The following CREB3L3 variants were observed in gnomAD, a reference collection of about 807,000 sequenced individuals.
CREB3L3 encodes cyclic AMP-responsive element-binding protein 3-like protein 3.
CREB3L3 carries 40 observed loss-of-function variants against 44.6 expected under a neutral mutation model. The observed-to-expected ratio is 0.90, with a 90% CI of 0.70 to 1.17. The LOEUF (loss-of-function observed/expected upper bound fraction) is 1.17. CREB3L3 is among the 50% of genes most tolerant of loss of function. The pLI is 0.00. For missense variants in CREB3L3, 578 were observed against 595.8 expected (o/e 0.97, Z 0.31); for synonymous variants, 273 against 256.3 (o/e 1.06, Z -0.62).
chr19:4,158,459 T>C (rs1275175830), intron 3 of CREB3L3, among the ~76,000 whole-genome samples: 2 of 151,796 alleles, frequency 1.3e-5, no homozygotes, highest in East Asian at 1.9e-4. Context: ...ATCATGCCAC[T>C]GCACTCCATC....
At chr19:4,160,617 GCA>G (rs1324027773) in intron 4 of CREB3L3, among the ~76,000 whole-genome samples, 13 of 152,076 alleles carry the variant, frequency 8.5e-5, no homozygotes, top group Middle Eastern at 3.5e-3. Context: ...GTGCAGTGGT[GCA>G]ATCTCGGATC....
At chr19:4,162,046 C>T (rs72978984) in intron 4 of CREB3L3, among the ~76,000 whole-genome samples, 15,005 of 152,156 alleles carry the variant, frequency 0.099, 973 homozygotes, top group East Asian at 0.25. Flanking sequence ...CATGGTCCGT[C>T]GTCCAGGCTA....
At position 4,156,996 on chromosome 19, in the gene CREB3L3, A is replaced by G. The variant is rs1236395865; in HGVS notation, c.158A>G (p.Gln53Arg). 6.2e-7 allele frequency: 1 copy of G among 1,613,962 alleles called. No homozygotes were observed. Among genetic ancestry groups the G allele is most frequent in the African/African-American group, 1.3e-5 (1 of 74,906 alleles). Residue 53 changes from glutamine to arginine, a missense_variant and splice_region_variant, in exon 3 of 10, where the codon CAG becomes CGG. By Grantham distance (43) the Gln-to-Arg change is conservative. Transcript: ENST00000078445. ...GEGWGHVKDQ[Q>R]VLPNPDSDDF... Reference sequence around the variant, plus strand: ...ACTACCCCTCCCTGTCCACCCCAGCAGGTCCTGCCAAACCCCGACTCTGAC... The same window carrying G: ...ACTACCCCTCCCTGTCCACCCCAGCGGGTCCTGCCAAACCCCGACTCTGAC...
chr19:4,164,782 T>C (rs2145132934), intron 5 of CREB3L3, 142 bp downstream of exon 5: 1 of 993,156 alleles, frequency 1.0e-6, no homozygotes, highest in Admixed American at 2.0e-5. Context: ...GATCTCAGCT[T>C]GCTGCAACCT....
chr19:4,167,905 G>C (rs1966952505), intron 5 of CREB3L3, among the ~76,000 whole-genome samples: 2 of 151,928 alleles, frequency 1.3e-5, no homozygotes, highest in South Asian at 4.1e-4. Flanking sequence ...TAGGTGAAGT[G>C]GGGTCAGGAC....
At chr19:4,153,861 C>T in intron 1 of CREB3L3, 87 bp downstream of exon 1, 1 of 1,397,558 alleles carries the variant, frequency 7.2e-7, no homozygotes, top group Non-Finnish European at 1.0e-6. Flanking sequence ...ACCCCATCTC[C>T]ACCCCTATTG....
At chr19:4,167,431 AG>A (rs1966934750) in intron 5 of CREB3L3, among the ~76,000 whole-genome samples, 11 of 84,890 alleles carry the variant, frequency 1.3e-4, no homozygotes, top group South Asian at 4.0e-4. Context: ...AAAGAAAGAA[AG>A]AAAGGAAAGA....
intron 4 of CREB3L3, among the ~76,000 whole-genome samples, chr19:4,163,807 CTTT>C (rs201891215): frequency 3.0e-5 from 4 of 134,208 alleles, no homozygotes; most frequent in Admixed American, 1.5e-4. Flanking sequence ...GCCACCTTTT[CTTT>C]TTTTTTTTTT....
intron 5 of CREB3L3, among the ~76,000 whole-genome samples, chr19:4,167,287 G>C (rs1568283578): frequency 6.7e-6 from 1 of 149,878 alleles, no homozygotes; most frequent in Non-Finnish European, 1.5e-5. Flanking sequence ...AGGTTGCAGT[G>C]AGCTGAGATC....
intron 3 of CREB3L3, among the ~76,000 whole-genome samples, chr19:4,158,941 C>T (rs117165858): frequency 0.014 from 2,071 of 152,254 alleles, 22 homozygotes; most frequent in Middle Eastern, 0.065. Context: ...CTACTGCATG[C>T]CGGCTACCAG....
At chr19:4,169,266 C>T (rs1216060242) in intron 6 of CREB3L3, among the ~76,000 whole-genome samples, 1 of 151,470 alleles carries the variant, frequency 6.6e-6, no homozygotes, top group Non-Finnish European at 1.5e-5. Flanking sequence ...CTGAGGCAGG[C>T]GGATCACGAG....
At position 4,158,539 on chromosome 19, in the gene CREB3L3, C is replaced by T. The variant is rs143540630; in HGVS notation, c.458-1125C>T. 7.4e-3 allele frequency among the ~76,000 whole-genome samples: 1,116 copies of T among 150,490 alleles called. 17 individuals are homozygous for T. The highest frequency in any genetic ancestry group is 0.026 in the African/African-American group (1,075 of 40,870). On this transcript the variant is annotated intron_variant, in intron 3 of 9. Transcript: ENST00000078445. ...AAAAAATGCTGGGCACAGTGGTTCACGCCTGTAATCCCAGCACTTTGGGAG... is the reference window on the plus strand; with the variant it reads ...AAAAAATGCTGGGCACAGTGGTTCATGCCTGTAATCCCAGCACTTTGGGAG...
In CREB3L3 at chr19:4,153,655, C is replaced by T. The variant is rs1322779098; in HGVS notation, c.-93C>T. On this transcript the variant is annotated 5_prime_UTR_variant, in exon 1 of 10. Transcript: ENST00000078445. The stretch of plus-strand genomic sequence containing the variant: ...TGACAGAGCCACAGAGGGCTGTGAG[C>T]TTGCCCGGCCCCAGGTAACGCTGGC... 2 of 1,503,290 alleles carry T rather than the reference C, an allele frequency of 1.3e-6. No homozygotes were observed. Among genetic ancestry groups the T allele is most frequent in the Non-Finnish European group, 1.8e-6 (2 of 1,086,008 alleles). 93.1% of individuals were successfully genotyped at this position (1,503,290 alleles called of 1,614,324 possible).
chr19:4,171,575 C>T lies in CREB3L3; in HGVS notation c.1073-81C>T, dbSNP rs1230457488. 1.2e-6 allele frequency: 2 copies of T among 1,600,542 alleles called. No homozygotes were observed. The highest frequency in any genetic ancestry group is 1.7e-6 in the Non-Finnish European group (2 of 1,168,096). On this transcript the variant is annotated intron_variant, in intron 9 of 9. Transcript: ENST00000078445. This position sits in a 1 kb window ranked among gnomAD's most constrained non-coding sequence, Gnocchi z 4.9. ...GGGAGAAGACCCCTGTGCCCTTGTTCCCTGAGGCTGGGGGCCAGGGAAGGG... is the reference window on the plus strand; with the variant it reads ...GGGAGAAGACCCCTGTGCCCTTGTTTCCTGAGGCTGGGGGCCAGGGAAGGG...
chr19:4,164,735 GTCTT>G lies in CREB3L3; in HGVS notation c.714+99_714+102del, dbSNP rs2041704571. On this transcript the variant is annotated intron_variant, in intron 5 of 9. Transcript: ENST00000078445. ...CCTTTATTTATTTATTTAGAGTAGA[GTCTT>G]TCTCTGTCACTGAGGCTGGGATGCA... 51 of 1,393,878 alleles carry G rather than the reference GTCTT, an allele frequency of 3.7e-5. 1 individual carries two copies. In the South Asian group the frequency reaches 6.1e-4, roughly 17 times the overall value. 86.3% of individuals were successfully genotyped at this position (1,393,878 alleles called of 1,614,324 possible).
rs576076904 is a variant in CREB3L3 at position 4,167,845 on chromosome 19, C to T, written c.715-506C>T. On this transcript the variant is annotated intron_variant, in intron 5 of 9. Transcript: ENST00000078445. ...GAATCTGCCTCTGGGTCCTTGGCTC[C>T]GGGATGTCTTGTATGCAAAGAGGAT... is the stretch of plus-strand genomic sequence containing the variant. 1.5e-3 allele frequency among the ~76,000 whole-genome samples: 233 copies of T among 151,748 alleles called. 1 individual carries two copies. Among genetic ancestry groups the T allele is most frequent in the Non-Finnish European group, 2.1e-3 (146 of 67,948 alleles).
chr19:4,157,124 G>C lies in CREB3L3; in HGVS notation c.286G>C (p.Asp96His). ...DSGISEDLPS[D>H]PQDTPPRSGP... Reference sequence around the variant, plus strand: ...TGGCATCTCCGAAGACCTCCCCTCCGACCCCCAGGACACCCCTCCACGCAG... The same window carrying C: ...TGGCATCTCCGAAGACCTCCCCTCCCACCCCCAGGACACCCCTCCACGCAG... Residue 96 changes from aspartate (D) to histidine (H), a missense_variant, in exon 3 of 10, where the codon GAC becomes CAC. Physicochemically the swap from Asp to His is moderately conservative, Grantham distance 81. Transcript: ENST00000078445. The C allele has an allele frequency of 6.2e-7, 1 of 1,613,540 alleles. No homozygotes were observed. Among genetic ancestry groups the C allele is most frequent in the Non-Finnish European group, 8.5e-7 (1 of 1,179,900 alleles).
chr19:4,170,661 G>A (rs1358191432), intron 7 of CREB3L3, among the ~76,000 whole-genome samples: 1 of 151,548 alleles, frequency 6.6e-6, no homozygotes, highest in Non-Finnish European at 1.5e-5. Context: ...TGTAATCCCA[G>A]CACTTTGGGA....
In CREB3L3 at chr19:4,157,275, C is replaced by G; in HGVS notation, c.437C>G (p.Ala146Gly). The G allele has an allele frequency of 1.9e-6, 3 of 1,614,188 alleles. No homozygotes were observed. Among genetic ancestry groups the G allele is most frequent in the Non-Finnish European group, 2.5e-6 (3 of 1,180,048 alleles). Residue 146 changes from alanine (A) to glycine (G), a missense_variant, in exon 3 of 10, where the codon GCC (alanine) becomes GGC (glycine). By Grantham distance (60) the Ala-to-Gly change is moderately conservative (BLOSUM62 0). Coordinates refer to ENST00000078445, the MANE Select transcript of CREB3L3 (RefSeq NM_032607.3). ...TPGPVIQVPE[A>G]SVTIDLEMWS... ...GGGCCAGTGATCCAAGTACCTGAAG[C>G]CTCTGTGACCATAGACCTGGGTGAG...
Sources: allele counts gnomAD v4.1 joint callset (sites outside exome capture counted in the v4.1 genomes callset), GRCh38; gene constraint gnomAD v4.1.1; non-coding constraint Gnocchi (gnomAD v3.1); transcripts MANE v1.5; gene names NCBI Gene and HGNC (gene_info 2026-07-23, HGNC 2026-07-21).